Variants in CTNNA3 observed in about 807,000 individuals in gnomAD.
CTNNA3 encodes catenin alpha-3.
A neutral mutation model predicts 95.7 loss-of-function variants in CTNNA3; 76 were observed. The observed-to-expected ratio is 0.79, with a 90% confidence interval of 0.66 to 0.96. CTNNA3 has a LOEUF of 0.96. Ranked by LOEUF, CTNNA3 falls within the 40% of genes least tolerant of loss-of-function variation. CTNNA3 has a pLI of 0.00. For missense variants in CTNNA3, 1,191 were observed against 1,089.8 expected, an observed-to-expected ratio of 1.09 and a Z score of -1.31; for synonymous variants, 431 against 374.4, an observed-to-expected ratio of 1.15 and a Z score of -1.74.
At chr10:66,597,841 C>A (rs1843778806) in intron 10 of CTNNA3, among the ~76,000 whole-genome samples, 4 of 151,782 alleles carry the variant, frequency 2.6e-5, no homozygotes, top group African/African-American at 7.3e-5. Flanking sequence ...AGAAACTTCA[C>A]CACCATTAGA....
chr10:67,625,634 AAAGG>A (rs1269860310), intron 2 of CTNNA3, among the ~76,000 whole-genome samples: 5 of 152,214 alleles, frequency 3.3e-5, no homozygotes, highest in Non-Finnish European at 5.9e-5. Context: ...TAAAAATATT[AAAGG>A]AATATAGCCT....
At chr10:67,710,364 A>G (rs1841100675) in intron 1 of CTNNA3, among the ~76,000 whole-genome samples, 1 of 152,218 alleles carries the variant, frequency 6.6e-6, no homozygotes, top group Non-Finnish European at 1.5e-5. Flanking sequence ...ACCATATCCT[A>G]TAGTGAAGGA....
intron 16 of CTNNA3, among the ~76,000 whole-genome samples, chr10:65,973,537 G>A (rs1030924534): frequency 8.5e-5 from 13 of 152,094 alleles, no homozygotes; most frequent in Non-Finnish European, 1.8e-4. Context: ...TAAATGGTAC[G>A]AGTTAGGTCA....
chr10:67,693,203 T>G (rs1245956400), intron 1 of CTNNA3, among the ~76,000 whole-genome samples: 3 of 152,236 alleles, frequency 2.0e-5, no homozygotes, highest in African/African-American at 7.2e-5. Context: ...AAAAATCAGA[T>G]GTATCGGCTA....
intron 15 of CTNNA3, among the ~76,000 whole-genome samples, chr10:66,003,779 T>G (rs1193732571): frequency 1.3e-5 from 2 of 152,210 alleles, no homozygotes; most frequent in Non-Finnish European, 2.9e-5. Flanking sequence ...TATTGTGTTA[T>G]TATGTGCTTA....
chr10:66,962,422 T>TG (rs1198776183), intron 7 of CTNNA3, among the ~76,000 whole-genome samples: 2 of 151,732 alleles, frequency 1.3e-5, no homozygotes, highest in East Asian at 3.9e-4. Flanking sequence ...GTTTTTGTTT[T>TG]TTTTTTGAGA....
intron 2 of CTNNA3, among the ~76,000 whole-genome samples, chr10:67,633,914 T>C (rs1240261482): frequency 6.6e-6 from 1 of 152,098 alleles, no homozygotes; most frequent in East Asian, 1.9e-4. Context: ...GTTCAGGATA[T>C]CATCCAGGAG....
In CTNNA3 at chr10:66,686,470, A is replaced by G. The variant is rs1418770876; in HGVS notation, c.1282-64686T>C. 2.6e-5 allele frequency among the ~76,000 whole-genome samples: 4 copies of G among 152,296 alleles called. No individual in the cohort carries two copies. The East Asian group carries it at 7.7e-4, about 29-fold the overall frequency. ...AGAGTGAGACCCTGTCTCAAAAAAT[A>G]TATATTTTTTCCCATTTTCAAATTT... On this transcript the variant is annotated intron_variant, in intron 9 of 17. Transcript: ENST00000433211.
intron 12 of CTNNA3, among the ~76,000 whole-genome samples, chr10:66,285,171 C>A (rs932837905): frequency 7.6e-6 from 1 of 132,132 alleles, no homozygotes; most frequent in South Asian, 2.1e-4. Context: ...CTGTGTTATA[C>A]TCTACTCTAT....
At chr10:67,509,782 G>T (rs1564703007) in intron 5 of CTNNA3, among the ~76,000 whole-genome samples, 1 of 152,178 alleles carries the variant, frequency 6.6e-6, no homozygotes, top group Admixed American at 6.5e-5. Flanking sequence ...CTTCCACAAT[G>T]GTTGAAGTAA....
intron 5 of CTNNA3, among the ~76,000 whole-genome samples, chr10:67,465,992 G>A (rs2133010341): frequency 6.6e-6 from 1 of 152,174 alleles, no homozygotes; most frequent in South Asian, 2.1e-4. Context: ...TTTTCTACCT[G>A]TCAGGTTATT....
chr10:66,031,279 A>G (rs1941984), intron 15 of CTNNA3, among the ~76,000 whole-genome samples: 19,240 of 152,258 alleles, frequency 0.13, 1,337 homozygotes, highest in Non-Finnish European at 0.15. Context: ...CACTATTCAC[A>G]ATAGCAAAGA....
At chr10:66,137,036 G>A (rs189129294) in intron 13 of CTNNA3, among the ~76,000 whole-genome samples, 33 of 152,162 alleles carry the variant, frequency 2.2e-4, no homozygotes, top group African/African-American at 6.3e-4. Flanking sequence ...TGGCTAGGCT[G>A]TTCTCAAACT....
In CTNNA3 at chr10:65,966,779, G is replaced by A. The variant is rs749882884; in HGVS notation, c.2266-33C>T. ...TGAATCAAAGATAAAAATAGATACA[G>A]CAGAATAAATAATAGTTAGATCAAG... On this transcript the variant is annotated intron_variant, in intron 16 of 17. Coordinates refer to ENST00000433211, the MANE Select transcript of CTNNA3 (RefSeq NM_013266.4). 1.1e-5 allele frequency: 17 copies of A among 1,543,830 alleles called. No individual in the cohort carries two copies. The African/African-American group carries it at 2.0e-4, about 19-fold the overall frequency.
At chr10:67,726,486 TC>T (rs1841223606) in intron 1 of CTNNA3, among the ~76,000 whole-genome samples, 1 of 60,238 alleles carries the variant, frequency 1.7e-5, no homozygotes, top group African/African-American at 7.3e-5. Context: ...ATATATTATA[TC>T]ATATACAATA....
At chr10:66,644,808 T>C (rs1278199241) in intron 9 of CTNNA3, among the ~76,000 whole-genome samples, 1 of 152,018 alleles carries the variant, frequency 6.6e-6, no homozygotes. Flanking sequence ...CCTGTGTAGG[T>C]TCATGGATTC....
chr10:66,597,507 C>CATAT (rs1364695697), intron 10 of CTNNA3, among the ~76,000 whole-genome samples: 30 of 79,614 alleles, frequency 3.8e-4, no homozygotes, highest in African/African-American at 8.3e-4. Flanking sequence ...CATTTTATTT[C>CATAT]ATACATATAT....
At chr10:66,702,732 A>AAGTGGT in intron 9 of CTNNA3, among the ~76,000 whole-genome samples, 1 of 134,326 alleles carries the variant, frequency 7.4e-6, no homozygotes, top group Non-Finnish European at 1.5e-5. Flanking sequence ...AAAAAAGAAT[A>AAGTGGT]AGTAGTAGTA....
chr10:67,642,340 G>GA (rs915735670), intron 2 of CTNNA3, among the ~76,000 whole-genome samples: 83 of 145,906 alleles, frequency 5.7e-4, no homozygotes, highest in African/African-American at 1.0e-3. Context: ...AAATTTACAA[G>GA]AAAAAAAAAA....
Sources: allele counts gnomAD v4.1 joint callset (sites outside exome capture counted in the v4.1 genomes callset), GRCh38; gene constraint gnomAD v4.1.1; transcripts MANE v1.5; gene names NCBI Gene and HGNC (gene_info 2026-07-23, HGNC 2026-07-21).